The following STXBP5L variants were observed in gnomAD, a reference collection of about 807,000 sequenced individuals.
STXBP5L encodes syntaxin binding protein 5L.
In STXBP5L, 65 loss-of-function variants were observed where a neutral mutation model predicts 144.5. That is an observed-to-expected ratio of 0.45 (90% CI 0.37 to 0.55). The LOEUF (loss-of-function observed/expected upper bound fraction) is 0.55, where lower values mean the gene tolerates loss of function less well. STXBP5L is among the 20% of genes least tolerant of loss of function. The pLI is 0.00. For synonymous variants in STXBP5L, 505 were observed against 469.6 expected (o/e 1.08, Z -0.97); for missense variants, 1,298 against 1,405.5 (o/e 0.92, Z 1.22).
chr3:121,069,894 C>G (rs1423620373), intron 5 of STXBP5L, among the ~76,000 whole-genome samples: 1 of 152,032 alleles, frequency 6.6e-6, no homozygotes. Flanking sequence ...GTCGAAACTC[C>G]GTCGGATGCT....
intron 5 of STXBP5L, among the ~76,000 whole-genome samples, chr3:121,094,759 G>T (rs976799661): frequency 6.6e-6 from 1 of 151,980 alleles, no homozygotes; most frequent in Non-Finnish European, 1.5e-5. Flanking sequence ...ATTGGAGCAT[G>T]TAGTCCATTT....
chr3:121,179,096 C>A (rs1276598289), intron 9 of STXBP5L, among the ~76,000 whole-genome samples: 1 of 151,764 alleles, frequency 6.6e-6, no homozygotes, highest in African/African-American at 2.4e-5. Flanking sequence ...GGCAGGTGCT[C>A]ACCAAAGGAT....
chr3:120,926,685 G>A (rs1709650182), intron 2 of STXBP5L, among the ~76,000 whole-genome samples: 1 of 151,838 alleles, frequency 6.6e-6, no homozygotes, highest in Admixed American at 6.6e-5. Context: ...TCTTAGATTT[G>A]GTCTTTTGAG....
chr3:120,945,824 A>G (rs1037649943), intron 2 of STXBP5L, among the ~76,000 whole-genome samples: 1 of 151,848 alleles, frequency 6.6e-6, no homozygotes, highest in African/African-American at 2.4e-5. Flanking sequence ...TAATTATAGC[A>G]GTACTGAAAA....
intron 2 of STXBP5L, among the ~76,000 whole-genome samples, chr3:120,927,880 A>G (rs1709719858): frequency 6.6e-6 from 1 of 152,212 alleles, no homozygotes; most frequent in Non-Finnish European, 1.5e-5. Context: ...AAGCAAGATT[A>G]TATATTTAGT....
At chr3:120,988,818 C>T (rs943548851) in intron 3 of STXBP5L, among the ~76,000 whole-genome samples, 2 of 152,050 alleles carry the variant, frequency 1.3e-5, no homozygotes, top group Middle Eastern at 3.2e-3. Flanking sequence ...CCTGTTCCCA[C>T]TCTTCCACTT....
chr3:121,215,342 A>T (rs1393367976), intron 10 of STXBP5L, among the ~76,000 whole-genome samples: 3 of 152,040 alleles, frequency 2.0e-5, no homozygotes, highest in Non-Finnish European at 4.4e-5. Context: ...GGCTAGTACC[A>T]GTTTTTTGTT....
intron 19 of STXBP5L, among the ~76,000 whole-genome samples, chr3:121,315,161 T>A (rs1039548715): frequency 8.5e-5 from 13 of 152,304 alleles, no homozygotes; most frequent in South Asian, 6.2e-4. Context: ...TTATAAATCA[T>A]GCTGCTATAA....
intron 20 of STXBP5L, among the ~76,000 whole-genome samples, chr3:121,323,682 C>T (rs997693892): frequency 1.3e-5 from 2 of 152,132 alleles, no homozygotes; most frequent in African/African-American, 2.4e-5. Flanking sequence ...AATAAACATA[C>T]TTCAAATGCA....
intron 9 of STXBP5L, among the ~76,000 whole-genome samples, chr3:121,165,754 G>A (rs2046474936): frequency 6.6e-6 from 1 of 152,042 alleles, no homozygotes; most frequent in South Asian, 2.1e-4. Flanking sequence ...GAAGAGGTCA[G>A]GCTCCTCCCC....
chr3:120,973,297 G>A (rs1940498225), intron 3 of STXBP5L, among the ~76,000 whole-genome samples: 1 of 151,762 alleles, frequency 6.6e-6, no homozygotes, highest in Non-Finnish European at 1.5e-5. Flanking sequence ...GTTCAATCTC[G>A]GGCAGTTATA....
chr3:121,366,778 T>C (rs1214139688), intron 20 of STXBP5L, among the ~76,000 whole-genome samples: 1 of 152,026 alleles, frequency 6.6e-6, no homozygotes, highest in African/African-American at 2.4e-5. Context: ...TGTTATTTTA[T>C]GATTTCTCTT....
In STXBP5L at chr3:120,914,686, TAA is replaced by T. The variant is rs573955462; in HGVS notation, c.189+4921_189+4922del. Among the ~76,000 whole-genome samples, 40 of 152,240 alleles carry T rather than the reference TAA, an allele frequency of 2.6e-4. 1 individual carries two copies. In the South Asian group the frequency reaches 8.3e-3, roughly 32 times the overall value. On this transcript the variant is annotated intron_variant, in intron 2 of 26. Transcript: ENST00000471454. Reference sequence around the variant, plus strand: ...GATCATGATCACAGTTCCACAGTTATAAAGTTTTCATCCATAAAAAGAATAAT... The same window carrying T: ...GATCATGATCACAGTTCCACAGTTATAGTTTTCATCCATAAAAAGAATAAT...
chr3:121,412,278 T>C (rs1362864382), intron 23 of STXBP5L, among the ~76,000 whole-genome samples: 1 of 152,138 alleles, frequency 6.6e-6, no homozygotes, highest in African/African-American at 2.4e-5. Context: ...GAGAACACTT[T>C]CTGGGCTAAC....
intron 3 of STXBP5L, among the ~76,000 whole-genome samples, chr3:121,000,861 C>G (rs764074203): frequency 3.8e-4 from 58 of 152,138 alleles, no homozygotes; most frequent in Non-Finnish European, 6.9e-4. Context: ...GGCTTCATTT[C>G]TGGATGATTT....
chr3:120,967,094 AC>A (rs1939671471), intron 3 of STXBP5L, among the ~76,000 whole-genome samples: 1 of 152,014 alleles, frequency 6.6e-6, no homozygotes, highest in Admixed American at 6.6e-5. Context: ...TGGGTGTGGG[AC>A]CCACTGAGCC....
At chr3:121,032,052 A>G (rs973724113) in intron 3 of STXBP5L, among the ~76,000 whole-genome samples, 1 of 152,098 alleles carries the variant, frequency 6.6e-6, no homozygotes, top group East Asian at 1.9e-4. Context: ...ATTTAGATAC[A>G]TTTTCTGAAA....
chr3:120,949,161 G>A (rs552167693), intron 2 of STXBP5L, among the ~76,000 whole-genome samples: 7 of 152,002 alleles, frequency 4.6e-5, no homozygotes, highest in African/African-American at 1.7e-4. Flanking sequence ...GATAATTAAT[G>A]GTCTTGAGCA....
chr3:121,323,108 C>T (rs1027904836), intron 20 of STXBP5L, among the ~76,000 whole-genome samples: 12 of 152,052 alleles, frequency 7.9e-5, no homozygotes, highest in South Asian at 2.1e-4. Context: ...TAGTTGGATG[C>T]GTAGGTTACA....
Sources: allele counts gnomAD v4.1 joint callset (sites outside exome capture counted in the v4.1 genomes callset), GRCh38; gene constraint gnomAD v4.1.1; transcripts MANE v1.5; gene names NCBI Gene and HGNC (gene_info 2026-07-23, HGNC 2026-07-21).